The following ZFPL1 variants were observed in gnomAD, a reference collection of about 807,000 sequenced individuals.
The protein encoded by ZFPL1 is zinc finger protein like 1, also known as zinc finger protein-like 1.
Under a neutral mutation model 32.0 loss-of-function variants are expected in ZFPL1, and 28 were observed. The observed-to-expected ratio is 0.87, with a 90% confidence interval of 0.65 to 1.20. The LOEUF is 1.20. Ranked by LOEUF, ZFPL1 falls within the 50% of genes most tolerant of loss-of-function variation. ZFPL1 has a pLI of 0.00. For missense variants in ZFPL1, 386 were observed against 424.8 expected, an observed-to-expected ratio of 0.91 and a Z score of 0.80; for synonymous variants, 165 against 177.0, an observed-to-expected ratio of 0.93 and a Z score of 0.54.
Position 65,085,199 on chromosome 11 carries a change from C to T in ZFPL1, c.187C>T (p.Arg63Ter), listed in dbSNP as rs1438122471. The T allele has an allele frequency of 2.5e-6, 4 of 1,613,998 alleles. No individual in the cohort carries two copies. Among genetic ancestry groups the T allele is most frequent in the African/African-American group, 1.3e-5 (1 of 74,892 alleles). ...CCTGTGCAACATACCCCTGGCCAGCCGAGAGACGACCCGCCTTGTCTGCTA... is the reference window on the plus strand; with the variant it reads ...CCTGTGCAACATACCCCTGGCCAGCTGAGAGACGACCCGCCTTGTCTGCTA... ...CRLCNIPLAS[R>*]ETTRLVCYDL... The change falls in exon 3 of 8, where the codon CGA becomes TGA. Residue 63 changes from arginine (R) to a stop codon, truncating the protein, a stop_gained. Transcript: ENST00000294258. LOFTEE classifies it high-confidence loss of function.
chr11:65,087,183 T>C, intron 6 of ZFPL1, 109 bp downstream of exon 6: 2 of 1,558,456 alleles, frequency 1.3e-6, no homozygotes, highest in Middle Eastern at 1.7e-4. Flanking sequence ...CTTTCCTTAA[T>C]CCAGGCACAG....
chr11:65,086,935 T>C lies in ZFPL1; in HGVS notation c.489T>C (p.Ser163=). Residue 163 remains serine, a synonymous_variant, in exon 6 of 8, where the codon AGT becomes AGC. Transcript: ENST00000294258. ...CTCTCTTTCCACCCACAGCCAGCAG[T>C]ACCCCTGGACCAGAGGAGGTAGACA... is the stretch of plus-strand genomic sequence containing the variant. ...FSDWSSFNAS[S]TPGPEEVDSA... The C allele has an allele frequency of 1.2e-6, 2 of 1,613,842 alleles. No individual in the cohort carries two copies. The highest frequency in any genetic ancestry group is 4.5e-5 in the East Asian group (2 of 44,870).
Position 65,086,528 on chromosome 11 carries a change from C to A in ZFPL1, c.328C>A (p.Leu110Met), listed in dbSNP as rs766929062. The part of the protein sequence containing the change: ...CNGPIFPPTN[L>M]AGPVASALRE... ...TGGCCCCATCTTCCCCCCAACCAACCTGGCTGGCCCCGTGGCCTCCGCACT... is the reference window on the plus strand; with the variant it reads ...TGGCCCCATCTTCCCCCCAACCAACATGGCTGGCCCCGTGGCCTCCGCACT... Residue 110 changes from leucine to methionine, a missense_variant, in exon 4 of 8, where the codon CTG (leucine) becomes ATG (methionine). Leu to Met is a conservative substitution (Grantham distance 15, BLOSUM62 2). Coordinates refer to ENST00000294258, the MANE Select transcript of ZFPL1 (RefSeq NM_006782.4). 1.2e-6 allele frequency: 2 copies of A among 1,614,188 alleles called. No homozygotes were observed. The highest frequency in any genetic ancestry group is 2.2e-5 in the South Asian group (2 of 91,088).
chr11:65,086,893 A>T, intron 5 of ZFPL1, 35 bp from the exon 6 acceptor site: 1 of 1,613,086 alleles, frequency 6.2e-7, no homozygotes, highest in Non-Finnish European at 8.5e-7. Context: ...AGCTCTATGC[A>T]CTGCTTCTGC....
chr11:65,087,991 C>A lies in ZFPL1; in HGVS notation c.810C>A (p.Leu270=). ...TCCAGCGGGCGGGGCTGCTGCTACT[C>A]TTGGGACTGCTGGGCTTCCTGGCCC... ...TLLQRAGLLL[L]LGLLGFLALL... Residue 270 remains leucine (L), a synonymous_variant, in exon 8 of 8, where the codon CTC becomes CTA. Transcript: ENST00000294258. 6.3e-7 allele frequency: 1 copy of A among 1,598,878 alleles called. No homozygotes were observed.
chr11:65,084,650 A>T (rs746565208), intron 1 of ZFPL1, 41 bp from the exon 2 acceptor site: 2 of 1,583,498 alleles, frequency 1.3e-6, no homozygotes, highest in East Asian at 4.5e-5. Flanking sequence ...AGTGGTGGCC[A>T]CCAGAACCTG....
Position 65,087,252 on chromosome 11 carries a change from C to T in ZFPL1, c.629-64C>T, listed in dbSNP as rs1947689020. The T allele has an allele frequency of 6.3e-6, 10 of 1,582,234 alleles. No homozygotes were observed. The South Asian group carries it at 1.0e-4, about 16-fold the overall frequency. On this transcript the variant is annotated intron_variant, in intron 6 of 7. Coordinates refer to ENST00000294258, the MANE Select transcript of ZFPL1 (RefSeq NM_006782.4). ...CAGACTGAGGAGAGCAGGTGATCCC[C>T]CTAGCCCTCCCCAAAGCGGCCAGTT...
At chr11:65,087,279 T>G (rs370946484) in intron 6 of ZFPL1, 37 bp from the exon 7 acceptor site, 2 of 1,610,534 alleles carry the variant, frequency 1.2e-6, no homozygotes, top group Non-Finnish European at 1.7e-6. Context: ...CGGCCAGTTT[T>G]CCTGAGTCTA....
At chr11:65,086,315 T>C in intron 3 of ZFPL1, 100 bp from the exon 4 acceptor site, 1 of 1,417,054 alleles carries the variant, frequency 7.1e-7, no homozygotes. Context: ...CACACACATG[T>C]GTCCATATGT....
In ZFPL1 at chr11:65,085,052, G is replaced by A. The variant is rs1947660428; in HGVS notation, c.103-63G>A. 8.7e-6 allele frequency: 13 copies of A among 1,486,412 alleles called. No homozygotes were observed. In the South Asian group the frequency reaches 1.2e-4, roughly 14 times the overall value. 92.1% of individuals were successfully genotyped at this position (1,486,412 alleles called of 1,614,324 possible). Reference sequence around the variant, plus strand: ...TGTGGCTAGAGAAAAAGAGACAGTCGGACCTTGGGGTGATAGGCCGAGCAG... The same window carrying A: ...TGTGGCTAGAGAAAAAGAGACAGTCAGACCTTGGGGTGATAGGCCGAGCAG... On this transcript the variant is annotated intron_variant, in intron 2 of 7. Transcript: ENST00000294258.
In ZFPL1 at chr11:65,086,577, A is replaced by C. The variant is rs749279914; in HGVS notation, c.377A>C (p.Asn126Thr). Residue 126 changes from asparagine (N) to threonine (T), a missense_variant, in exon 4 of 8, where the codon AAC (asparagine) becomes ACC (threonine). Physicochemically the swap from Asn to Thr is moderately conservative, Grantham distance 65 (BLOSUM62 0). Coordinates refer to ENST00000294258, the MANE Select transcript of ZFPL1 (RefSeq NM_006782.4). ...SALREKLATVNWARAGLGLPL... is the reference protein window; with the variant it reads ...SALREKLATVTWARAGLGLPL... The stretch of plus-strand genomic sequence containing the variant: ...CTGAGAGAGAAGCTGGCCACAGTCA[A>C]CTGGGCCCGGGCAGGACTGGGCCTC... The C allele has an allele frequency of 6.2e-7, 1 of 1,614,154 alleles. No individual in the cohort carries two copies. Among genetic ancestry groups the C allele is most frequent in the South Asian group, 1.1e-5 (1 of 91,084 alleles).
rs1222906626 is a variant in ZFPL1, at chr11:65,085,168, T to C, written c.156T>C (p.Asn52=). Residue 52 remains asparagine, a synonymous_variant, in exon 3 of 8, where the codon AAT becomes AAC. Coordinates refer to ENST00000294258, the MANE Select transcript of ZFPL1 (RefSeq NM_006782.4). Reference sequence around the variant, plus strand: ...TCCAAGATAGCGACTACAACCCCAATTGCCGCCTGTGCAACATACCCCTGG... The same window carrying C: ...TCCAAGATAGCGACTACAACCCCAACTGCCGCCTGTGCAACATACCCCTGG... The part of the protein sequence containing the change: ...QWLQDSDYNP[N]CRLCNIPLAS... 6.2e-7 allele frequency: 1 copy of C among 1,613,960 alleles called. No homozygotes were observed. Among genetic ancestry groups the C allele is most frequent in the African/African-American group, 1.3e-5 (1 of 74,884 alleles).
At chr11:65,084,972 A>T in intron 2 of ZFPL1, 143 bp from the exon 3 acceptor site, 1 of 1,017,888 alleles carries the variant, frequency 9.8e-7, no homozygotes, top group Non-Finnish European at 1.5e-6. Flanking sequence ...TCTGGTGCAC[A>T]GTATGTGCTC....
At position 65,086,948 on chromosome 11, in the gene ZFPL1, G is replaced by A. The variant is rs182764770; in HGVS notation, c.502G>A (p.Glu168Lys). The change falls in exon 6 of 8, where the codon GAG (glutamate) becomes AAG (lysine). Residue 168 changes from glutamate (E) to lysine (K), a missense_variant. Glu to Lys is a moderately conservative substitution (Grantham distance 56). Coordinates refer to ENST00000294258, the MANE Select transcript of ZFPL1 (RefSeq NM_006782.4). ...SFNASSTPGPEEVDSASAAPA... is the reference protein window; with the variant it reads ...SFNASSTPGPKEVDSASAAPA... Reference sequence around the variant, plus strand: ...CACAGCCAGCAGTACCCCTGGACCAGAGGAGGTAGACAGCGCCTCTGCTGC... The same window carrying A: ...CACAGCCAGCAGTACCCCTGGACCAAAGGAGGTAGACAGCGCCTCTGCTGC... 3.4e-5 allele frequency: 55 copies of A among 1,613,986 alleles called. No individual in the cohort carries two copies. The highest frequency in any genetic ancestry group is 1.5e-4 in the Admixed American group (9 of 60,008).
intron 7 of ZFPL1, chr11:65,087,714 G>A (rs763507320): frequency 5.4e-5 from 34 of 628,096 alleles, no homozygotes; most frequent in Non-Finnish European, 7.9e-5. Flanking sequence ...TCTCCCCGAC[G>A]TCTGACACAC....
At chr11:65,085,337 C>T (rs1464084462) in intron 3 of ZFPL1, 111 bp downstream of exon 3, 1 of 931,708 alleles carries the variant, frequency 1.1e-6, no homozygotes, top group Admixed American at 1.9e-5. Flanking sequence ...AGTCTCAGAG[C>T]CCAGATTCTA....
Position 65,085,163 on chromosome 11 carries a change from C to T in ZFPL1, c.151C>T (p.Pro51Ser). The T allele has an allele frequency of 1.2e-6, 2 of 1,614,176 alleles. No homozygotes were observed. Among genetic ancestry groups the T allele is most frequent in the Non-Finnish European group, 1.7e-6 (2 of 1,180,034 alleles). Residue 51 changes from proline (P) to serine (S), a missense_variant, in exon 3 of 8, where the codon CCC (proline) becomes TCC (serine). Pro to Ser is a moderately conservative substitution (Grantham distance 74). Transcript: ENST00000294258. ...LQWLQDSDYNPNCRLCNIPLA... is the reference protein window; with the variant it reads ...LQWLQDSDYNSNCRLCNIPLA... The stretch of plus-strand genomic sequence containing the variant: ...ATGGCTCCAAGATAGCGACTACAAC[C>T]CCAATTGCCGCCTGTGCAACATACC...
Position 65,084,686 on chromosome 11 carries a change from C to G in ZFPL1, c.-8-5C>G. 6.2e-7 allele frequency: 1 copy of G among 1,613,888 alleles called. No individual in the cohort carries two copies. The highest frequency in any genetic ancestry group is 8.5e-7 in the Non-Finnish European group (1 of 1,179,854). On this transcript the variant is annotated splice_polypyrimidine_tract_variant and splice_region_variant and intron_variant, in intron 1 of 7. Coordinates refer to ENST00000294258, the MANE Select transcript of ZFPL1 (RefSeq NM_006782.4). ...ACTTCCTACCAACTCATGCCCCTTT[C>G]CCAGGATCGATCATGGGGCTTTGTA...
rs749279914 is a variant in ZFPL1, at chr11:65,086,577, A to G, written c.377A>G (p.Asn126Ser). 16 of 1,614,154 alleles carry G rather than the reference A, an allele frequency of 9.9e-6. No homozygotes were observed. The Admixed American group carries it at 1.0e-4, about 10-fold the overall frequency. Residue 126 changes from asparagine (N) to serine (S), a missense_variant, in exon 4 of 8, where the codon AAC (asparagine) becomes AGC (serine). Coordinates refer to ENST00000294258, the MANE Select transcript of ZFPL1 (RefSeq NM_006782.4). The part of the protein sequence containing the change: ...SALREKLATV[N>S]WARAGLGLPL... ...CTGAGAGAGAAGCTGGCCACAGTCA[A>G]CTGGGCCCGGGCAGGACTGGGCCTC...
Sources: gnomAD v4.1 joint callset for allele counts on GRCh38, gnomAD v4.1.1 for gene constraint, MANE v1.5 for transcripts, NCBI Gene and HGNC (gene_info 2026-07-23, HGNC 2026-07-21) for gene names.